The following LRBA variants were observed in gnomAD, a reference collection of about 807,000 sequenced individuals.
LRBA encodes the protein LPS responsive beige-like anchor protein.
Under a neutral mutation model 330.0 loss-of-function variants are expected in LRBA, and 176 were observed. The observed-to-expected ratio is 0.53, with a 90% CI of 0.47 to 0.60. The LOEUF is 0.60. LRBA is among the 20% of genes least tolerant of loss of function. LRBA has a pLI of 0.00. For synonymous variants in LRBA, 1,230 were observed against 1,193.0 expected, an observed-to-expected ratio of 1.03 and a Z score of -0.64; for missense variants, 3,259 against 3,444.8, an observed-to-expected ratio of 0.95 and a Z score of 1.35.
chr4:150,680,535 A>G (rs1193974519), intron 37 of LRBA, among the ~76,000 whole-genome samples: 1 of 152,234 alleles, frequency 6.6e-6, no homozygotes, highest in African/African-American at 2.4e-5. Context: ...TATTGAATGG[A>G]AACTTTTGGG....
chr4:150,794,533 A>G (rs1740459514), intron 34 of LRBA, among the ~76,000 whole-genome samples: 1 of 151,824 alleles, frequency 6.6e-6, no homozygotes, highest in Non-Finnish European at 1.5e-5. Context: ...AATCATAAGA[A>G]CTATCTCATT....
intron 47 of LRBA, among the ~76,000 whole-genome samples, chr4:150,360,536 A>G (rs994666211): frequency 6.6e-6 from 1 of 152,226 alleles, no homozygotes; most frequent in Non-Finnish European, 1.5e-5. Context: ...TATCAACTGG[A>G]CGGTGAGGCT....
chr4:150,639,805 ATGTGTGTGTGTGTG>A (rs1166703144), intron 37 of LRBA, among the ~76,000 whole-genome samples: 663 of 8,002 alleles, frequency 0.083, 125 homozygotes, highest in Admixed American at 0.27. Context: ...ATATATATAT[ATGTGTGTGTGTGTG>A]TATATATATA....
intron 28 of LRBA, 69 bp from the exon 29 acceptor site, chr4:150,832,045 T>C: frequency 1.1e-6 from 1 of 916,452 alleles, no homozygotes; most frequent in South Asian, 2.8e-5. Context: ...TACATCACAA[T>C]GTTTAAATAC....
chr4:150,879,931 A>G (rs762423848), intron 17 of LRBA, among the ~76,000 whole-genome samples: 62 of 152,212 alleles, frequency 4.1e-4, no homozygotes, highest in Non-Finnish European at 8.8e-5. Flanking sequence ...GAGCCCAAAT[A>G]GGCAAAGCAA....
At chr4:150,558,107 C>G (rs559947207) in intron 40 of LRBA, among the ~76,000 whole-genome samples, 3 of 152,194 alleles carry the variant, frequency 2.0e-5, no homozygotes, top group Admixed American at 2.0e-4. Context: ...CCACATTGGC[C>G]AGGCTGGTCT....
chr4:150,286,042 A>G lies in LRBA; in HGVS notation c.8018-8T>C, dbSNP rs1425442359. 6 of 1,528,416 alleles carry G rather than the reference A, an allele frequency of 3.9e-6. No homozygotes were observed. In the Admixed American group the frequency reaches 6.5e-5, roughly 16 times the overall value. 94.7% of individuals were successfully genotyped at this position (1,528,416 alleles called of 1,614,324 possible). On this transcript the variant is annotated splice_region_variant and splice_polypyrimidine_tract_variant and intron_variant, in intron 53 of 56. Transcript: ENST00000651943. ...GAGGAGCAGCAGTCTCACCTTTAGG[A>G]AAAAACAGATAAAAAGAACAAATCA...
At chr4:150,964,943 AATC>A (rs1738717091) in intron 2 of LRBA, among the ~76,000 whole-genome samples, 1 of 152,226 alleles carries the variant, frequency 6.6e-6, no homozygotes, top group African/African-American at 2.4e-5. Flanking sequence ...AATTCTGATT[AATC>A]ATCACTTTTT....
At chr4:150,639,761 A>G (rs1275628689) in intron 37 of LRBA, among the ~76,000 whole-genome samples, 4,060 of 9,262 alleles carry the variant, frequency 0.44, 1,288 homozygotes, top group Non-Finnish European at 0.54. Flanking sequence ...ATATATATAT[A>G]TATATATATA....
rs538721001 is a variant in LRBA, at chr4:150,926,203, T to A, written c.549+2313A>T. 2.0e-5 allele frequency among the ~76,000 whole-genome samples: 3 copies of A among 152,284 alleles called. No individual in the cohort carries two copies. In the South Asian group the frequency reaches 6.2e-4, roughly 32 times the overall value. ...ATCATGCTTATGATAAAACTCAACA[T>A]GGTGGGGCTAAGATAGTAAGAGCTT... On this transcript the variant is annotated intron_variant, in intron 4 of 56. Transcript: ENST00000651943.
intron 48 of LRBA, among the ~76,000 whole-genome samples, chr4:150,347,089 A>AT (rs1390607425): frequency 6.6e-6 from 1 of 152,234 alleles, no homozygotes; most frequent in Non-Finnish European, 1.5e-5. Flanking sequence ...TCTTGAAGAT[A>AT]TTACGCTAAG....
At chr4:150,974,644 G>A (rs1245339596) in intron 2 of LRBA, among the ~76,000 whole-genome samples, 2 of 152,168 alleles carry the variant, frequency 1.3e-5, no homozygotes, top group Non-Finnish European at 2.9e-5. Flanking sequence ...CAGATAAATA[G>A]AAGCGCTGGC....
chr4:150,393,533 A>ATAGTGCAG (rs1744306635), intron 47 of LRBA, among the ~76,000 whole-genome samples: 1 of 145,974 alleles, frequency 6.9e-6, no homozygotes, highest in African/African-American at 2.6e-5. Context: ...TTGCCATGCT[A>ATAGTGCAG]TAGTGCAGTG....
At position 150,950,172 on chromosome 4, in the gene LRBA, G is replaced by T. The variant is rs547987994; in HGVS notation, c.217-21107C>A. ...TGTCATGTTCTTTAATAGCTTGCTG[G>T]TTCAATCTAGCAAACTAGTGATTTA... On this transcript the variant is annotated intron_variant, in intron 2 of 56. Transcript: ENST00000651943. 2.0e-5 allele frequency among the ~76,000 whole-genome samples: 3 copies of T among 152,122 alleles called. No individual in the cohort carries two copies. The East Asian group carries it at 5.8e-4, about 29-fold the overall frequency.
intron 34 of LRBA, among the ~76,000 whole-genome samples, chr4:150,764,903 C>T (rs1240889719): frequency 2.0e-5 from 3 of 152,052 alleles, no homozygotes; most frequent in Non-Finnish European, 4.4e-5. Flanking sequence ...CAAGATCCAG[C>T]AATTTCACTT....
rs372374505 is a variant in LRBA at position 150,593,321 on chromosome 4, G to A, written c.6047-2462C>T. ...TACATATCATTTTGCATAAGTCAGG[G>A]AGTAGTGTTAAAAATACTTTACATA... On this transcript the variant is annotated intron_variant, in intron 38 of 56. Coordinates refer to ENST00000651943, the MANE Select transcript of LRBA (RefSeq NM_001364905.1). Among the ~76,000 whole-genome samples, 4 of 152,214 alleles carry A rather than the reference G, an allele frequency of 2.6e-5. No individual in the cohort carries two copies. In the South Asian group the frequency reaches 8.3e-4, roughly 32 times the overall value.
At chr4:150,704,082 G>C (rs1375437971) in intron 36 of LRBA, among the ~76,000 whole-genome samples, 1 of 152,104 alleles carries the variant, frequency 6.6e-6, no homozygotes, top group Non-Finnish European at 1.5e-5. Context: ...GAATGGTGAG[G>C]CACACCTGTA....
chr4:150,594,610 C>T (rs527720010), intron 38 of LRBA, among the ~76,000 whole-genome samples: 3 of 152,012 alleles, frequency 2.0e-5, no homozygotes, highest in East Asian at 3.9e-4. Flanking sequence ...TTAAGAAATG[C>T]CTTTTATTCT....
intron 50 of LRBA, among the ~76,000 whole-genome samples, chr4:150,318,322 G>T (rs952461422): frequency 1.3e-5 from 2 of 152,110 alleles, no homozygotes; most frequent in African/African-American, 4.8e-5. Flanking sequence ...CTTTGAATGA[G>T]AAGGGAGGTT....
Sources: gnomAD v4.1 joint callset for allele counts (sites outside exome capture counted in the v4.1 genomes callset) on GRCh38, gnomAD v4.1.1 for gene constraint, MANE v1.5 for transcripts, NCBI Gene and HGNC (gene_info 2026-07-23, HGNC 2026-07-21) for gene names.